Variants in DNAH14 observed in about 807,000 individuals in gnomAD.
The protein encoded by DNAH14 is dynein axonemal heavy chain 14, also known as axonemal beta dynein heavy chain 14.
In DNAH14, 478 loss-of-function variants were observed where a neutral mutation model predicts 520.9. The observed-to-expected ratio is 0.92, with a 90% CI of 0.85 to 0.99. The LOEUF (loss-of-function observed/expected upper bound fraction) is 0.99. Ranked by LOEUF, DNAH14 falls within the 50% of genes least tolerant of loss-of-function variation. The pLI is 0.00. For synonymous variants in DNAH14, 1,581 were observed against 1,757.2 expected, an observed-to-expected ratio of 0.90 and a Z score of 2.51; for missense variants, 4,831 against 5,234.5, an observed-to-expected ratio of 0.92 and a Z score of 2.38.
At chr1:225,344,518 T>G (rs189381648) in intron 69 of DNAH14, among the ~76,000 whole-genome samples, 652 of 152,304 alleles carry the variant, frequency 4.3e-3, no homozygotes, top group Non-Finnish European at 6.9e-3. Context: ...CTAAGGATAA[T>G]GGCCTCCAGC....
intron 12 of DNAH14, among the ~76,000 whole-genome samples, chr1:225,040,000 T>C (rs1211335513): frequency 1.4e-5 from 2 of 145,184 alleles, no homozygotes; most frequent in South Asian, 2.3e-4. Flanking sequence ...TGCTGTGGTG[T>C]GATCTCGACT....
chr1:225,149,795 TTTG>T lies in DNAH14; in HGVS notation c.4941-2209_4941-2207del, dbSNP rs376347680. Among the ~76,000 whole-genome samples, 48 of 152,070 alleles carry T rather than the reference TTTG, an allele frequency of 3.2e-4. No homozygotes were observed. In the South Asian group the frequency reaches 9.8e-3, roughly 31 times the overall value. ...TCCTGAGACTTCACTGAAAGAAGCT[TTTG>T]GGCCATGATGATGGGTTTTTCTAGA... On this transcript the variant is annotated intron_variant, in intron 31 of 85. Coordinates refer to ENST00000682510, the MANE Select transcript of DNAH14 (RefSeq NM_001367479.1).
intron 5 of DNAH14, among the ~76,000 whole-genome samples, chr1:224,965,157 T>C (rs2061084475): frequency 6.6e-6 from 1 of 152,106 alleles, no homozygotes; most frequent in Non-Finnish European, 1.5e-5. Flanking sequence ...AAGGTGTGTG[T>C]CCTGAGACCT....
chr1:225,335,717 G>A (rs111205888), intron 66 of DNAH14, among the ~76,000 whole-genome samples: 425 of 23,308 alleles, frequency 0.018, 63 homozygotes, highest in African/African-American at 0.021. Context: ...ATGTATATAC[G>A]CATATATACA....
At chr1:225,200,983 G>A (rs1313449375) in intron 38 of DNAH14, among the ~76,000 whole-genome samples, 1 of 151,752 alleles carries the variant, frequency 6.6e-6, no homozygotes, top group African/African-American at 2.4e-5. Flanking sequence ...TCTTCCTTAA[G>A]AACACCAATT....
intron 66 of DNAH14, among the ~76,000 whole-genome samples, 158 bp downstream of exon 66, chr1:225,333,664 A>G (rs966370831): frequency 4.6e-5 from 7 of 152,182 alleles, no homozygotes; most frequent in African/African-American, 7.2e-5. Context: ...TTTTTAATTT[A>G]TAGCCCTAAT....
At chr1:225,252,604 A>G (rs1208344378) in intron 44 of DNAH14, among the ~76,000 whole-genome samples, 187 bp downstream of exon 44, 1 of 152,136 alleles carries the variant, frequency 6.6e-6, no homozygotes, top group Admixed American at 6.5e-5. Context: ...ATAACCTTTG[A>G]ATATTACTTT....
chr1:225,278,155 G>A (rs532677618), intron 54 of DNAH14, among the ~76,000 whole-genome samples: 1 of 150,298 alleles, frequency 6.7e-6, no homozygotes, highest in South Asian at 2.1e-4. Flanking sequence ...ACAGACATAT[G>A]CAACAAGATT....
At chr1:225,107,600 G>A (rs905086290) in intron 23 of DNAH14, among the ~76,000 whole-genome samples, 1 of 152,152 alleles carries the variant, frequency 6.6e-6, no homozygotes, top group Non-Finnish European at 1.5e-5. Flanking sequence ...AAGCTCCCCT[G>A]TACGGAGACA....
intron 66 of DNAH14, among the ~76,000 whole-genome samples, chr1:225,335,412 T>C (rs1397660677): frequency 2.1e-5 from 2 of 97,420 alleles, no homozygotes; most frequent in African/African-American, 4.8e-5. Context: ...CATGTGTGTG[T>C]ATGCACATAT....
chr1:225,035,280 T>A (rs2066867492), intron 11 of DNAH14, among the ~76,000 whole-genome samples: 4 of 108,816 alleles, frequency 3.7e-5, no homozygotes, highest in African/African-American at 8.1e-5. Context: ...ATCTCTGATT[T>A]TATTTATTTG....
intron 60 of DNAH14, among the ~76,000 whole-genome samples, chr1:225,311,440 G>A (rs185356932): frequency 5.9e-5 from 9 of 152,246 alleles, no homozygotes; most frequent in Admixed American, 4.6e-4. Flanking sequence ...CTGTGCGGAA[G>A]CTCTTTAGTT....
At chr1:225,359,748 A>G (rs143362164) in intron 74 of DNAH14, among the ~76,000 whole-genome samples, 87 of 152,340 alleles carry the variant, frequency 5.7e-4, no homozygotes, top group African/African-American at 2.0e-3. Context: ...CATCATATTC[A>G]CGTTCCAAAC....
chr1:225,071,408 G>A (rs377629500), intron 17 of DNAH14, among the ~76,000 whole-genome samples: 43 of 152,240 alleles, frequency 2.8e-4, no homozygotes, highest in African/African-American at 9.9e-4. Context: ...TTGCTTGTCT[G>A]AAAAGGGCCT....
intron 31 of DNAH14, among the ~76,000 whole-genome samples, chr1:225,147,662 G>C (rs1291138550): frequency 6.6e-6 from 1 of 151,616 alleles, no homozygotes; most frequent in Admixed American, 6.6e-5. Context: ...TTAAGTTCAG[G>C]GGCACATGTG....
chr1:225,347,010 A>G (rs1354907103), intron 71 of DNAH14, among the ~76,000 whole-genome samples: 1 of 152,184 alleles, frequency 6.6e-6, no homozygotes, highest in East Asian at 1.9e-4. Context: ...AAACACAAAA[A>G]GCATGTTTAT....
Position 225,016,845 on chromosome 1 carries a change from T to G in DNAH14, c.1108-6770T>G, listed in dbSNP as rs189813237. ...TCTGTTGCTGAAGGTCTCAGTTGCATTTTTAAATTTCCTTCATTAAATTTT... is the reference window on the plus strand; with the variant it reads ...TCTGTTGCTGAAGGTCTCAGTTGCAGTTTTAAATTTCCTTCATTAAATTTT... On this transcript the variant is annotated intron_variant, in intron 10 of 85. Coordinates refer to ENST00000682510, the MANE Select transcript of DNAH14 (RefSeq NM_001367479.1). Among the ~76,000 whole-genome samples, 88 of 151,970 alleles carry G rather than the reference T, an allele frequency of 5.8e-4. 1 individual carries two copies. In the East Asian group the frequency reaches 0.014, roughly 24 times the overall value.
At chr1:225,091,164 G>A (rs3120989) in intron 21 of DNAH14, among the ~76,000 whole-genome samples, 39,549 of 151,728 alleles carry the variant, frequency 0.26, 7,974 homozygotes, top group African/African-American at 0.56. Context: ...CTTAGAAAAC[G>A]TATTTCAGGA....
chr1:225,114,813 C>T (rs1161667438), intron 23 of DNAH14, among the ~76,000 whole-genome samples: 1 of 152,144 alleles, frequency 6.6e-6, no homozygotes, highest in African/African-American at 2.4e-5. Flanking sequence ...CAAGCACACT[C>T]ATTCTCTCTC....
Sources: gnomAD v4.1 joint callset for allele counts (sites outside exome capture counted in the v4.1 genomes callset) on GRCh38, gnomAD v4.1.1 for gene constraint, MANE v1.5 for transcripts, NCBI Gene and HGNC (gene_info 2026-07-23, HGNC 2026-07-21) for gene names.